ACVR1B: variants seen among roughly 807,000 people sequenced by gnomAD.
ACVR1B encodes the protein activin receptor type-1B.
A neutral mutation model predicts 55.6 loss-of-function variants in ACVR1B; 15 were observed. The ratio of observed to expected loss-of-function variants is 0.27; its 90% confidence interval spans 0.18 to 0.42. ACVR1B has a LOEUF of 0.42. Ranked by LOEUF, ACVR1B falls within the 10% of genes least tolerant of loss-of-function variation. The pLI, the probability that ACVR1B is intolerant of heterozygous loss-of-function variation, is 1.00. For missense variants in ACVR1B, 359 were observed against 670.1 expected, an observed-to-expected ratio of 0.54 and a Z score of 5.13; for synonymous variants, 247 against 254.6, an observed-to-expected ratio of 0.97 and a Z score of 0.28.
At chr12:51,980,110 A>G (rs1741461039) in intron 3 of ACVR1B, among the ~76,000 whole-genome samples, 1 of 152,084 alleles carries the variant, frequency 6.6e-6, no homozygotes, top group Non-Finnish European at 1.5e-5. Flanking sequence ...TTTGAGCCTT[A>G]GTTTTCTTGT....
At chr12:51,993,520 T>G (rs1471211094) in intron 8 of ACVR1B, among the ~76,000 whole-genome samples, 1 of 151,888 alleles carries the variant, frequency 6.6e-6, no homozygotes, top group Non-Finnish European at 1.5e-5. Context: ...ATCCCAGCAC[T>G]TTGGGAGGCC....
Position 51,951,710 on chromosome 12 carries a change from G to C in ACVR1B, c.-34G>C, listed in dbSNP as rs1941296315. ...CGCGCGCGCGCGCTGGGCGCTGCTG[G>C]GCTGCGGCGGCGGCGGCGGCGGCGG... On this transcript the variant is annotated 5_prime_UTR_variant, in exon 1 of 9. Transcript: ENST00000257963. The C allele has an allele frequency of 9.5e-7, 1 of 1,048,826 alleles. No individual in the cohort carries two copies. The highest frequency in any genetic ancestry group is 1.1e-6 in the Non-Finnish European group (1 of 870,326). The allele number at this position is 1,048,826 out of a possible 1,614,324, so 65.0% of individuals were successfully genotyped here.
In ACVR1B at chr12:51,978,825, G is replaced by T. The variant is rs368620778; in HGVS notation, c.581-2144G>T. Among the ~76,000 whole-genome samples the T allele has an allele frequency of 5.1e-5, 6 of 117,228 alleles. No individual in the cohort carries two copies. In the South Asian group the frequency reaches 1.1e-3, roughly 22 times the overall value. 76.9% of individuals were successfully genotyped at this position (117,228 alleles called of 152,430 possible). A position where few individuals can be genotyped will look rare whatever the true frequency, so the allele number is the denominator to read the frequency against. Reference sequence around the variant, plus strand: ...AGCCTGGGCAACAGAGCGAGACTCCGTCTCAAAAAAAAAAAAAAAAAAAAG... The same window carrying T: ...AGCCTGGGCAACAGAGCGAGACTCCTTCTCAAAAAAAAAAAAAAAAAAAAG... On this transcript the variant is annotated intron_variant, in intron 3 of 8. Transcript: ENST00000257963.
At position 51,988,753 on chromosome 12, in the gene ACVR1B, C is replaced by T. The variant is rs2641514; in HGVS notation, c.1261+1811C>T. Among the ~76,000 whole-genome samples the T allele has an allele frequency of 1.8e-3, 272 of 152,224 alleles. 1 individual carries two copies. The highest frequency in any genetic ancestry group is 6.3e-3 in the African/African-American group (261 of 41,550). On this transcript the variant is annotated intron_variant, in intron 7 of 8. Coordinates refer to ENST00000257963, the MANE Select transcript of ACVR1B (RefSeq NM_004302.5). The stretch of plus-strand genomic sequence containing the variant: ...ATTTTAGTAAACAAGGGTTCAGACT[C>T]GGACAGGCTGAGGCCAGGGCTTAAG...
At position 51,984,051 on chromosome 12, in the gene ACVR1B, G is replaced by T. The variant is rs1942032084; in HGVS notation, c.864G>T (p.Gly288=). 1 of 1,614,190 alleles carries T rather than the reference G, an allele frequency of 6.2e-7. No homozygotes were observed. The highest frequency in any genetic ancestry group is 1.3e-5 in the African/African-American group (1 of 75,050). Residue 288 remains glycine, a synonymous_variant, in exon 5 of 9, where the codon GGG becomes GGT. Transcript: ENST00000257963. ...LWLVSDYHEH[G]SLFDYLNRYT... ...TTGTTTCTGACTATCATGAGCACGGGTCCCTGTTTGATTATCTGAACCGGT... is the reference window on the plus strand; with the variant it reads ...TTGTTTCTGACTATCATGAGCACGGTTCCCTGTTTGATTATCTGAACCGGT...
At chr12:51,990,768 C>T (rs938402062) in intron 7 of ACVR1B, among the ~76,000 whole-genome samples, 1 of 152,216 alleles carries the variant, frequency 6.6e-6, no homozygotes, top group Non-Finnish European at 1.5e-5. Context: ...TGTTCCCCCT[C>T]ATTTTTTCTT....
At chr12:51,987,407 T>G (rs1942102029) in intron 7 of ACVR1B, 1 of 413,054 alleles carries the variant, frequency 2.4e-6, no homozygotes, top group South Asian at 5.1e-5. Context: ...AAAAGTGAGT[T>G]TTTTCTCCCA....
At chr12:51,955,039 C>G (rs184012747) in intron 1 of ACVR1B, among the ~76,000 whole-genome samples, 25 of 152,270 alleles carry the variant, frequency 1.6e-4, no homozygotes, top group African/African-American at 6.0e-4. Context: ...CATACCTGTG[C>G]TAATCAAAGA....
chr12:51,994,295 C>A lies in ACVR1B; in HGVS notation c.*185C>A. ...CCCATGTTGGGTTTGAGACAGACAC[C>A]TTTTCTATTTACCTCCTAATGGCAT... On this transcript the variant is annotated 3_prime_UTR_variant, in exon 9 of 9. Coordinates refer to ENST00000257963, the MANE Select transcript of ACVR1B (RefSeq NM_004302.5). This position sits in a 1 kb window ranked among gnomAD's most constrained non-coding sequence, Gnocchi z 4.2. 1.4e-6 allele frequency: 1 copy of A among 724,024 alleles called. No homozygotes were observed. Among genetic ancestry groups the A allele is most frequent in the Non-Finnish European group, 2.2e-6 (1 of 455,402 alleles). 44.8% of individuals were successfully genotyped at this position (724,024 alleles called of 1,614,324 possible).
chr12:51,979,988 T>G (rs1941946229), intron 3 of ACVR1B, among the ~76,000 whole-genome samples: 1 of 152,152 alleles, frequency 6.6e-6, no homozygotes, highest in Non-Finnish European at 1.5e-5. Context: ...ATTTTGGTGG[T>G]TCTATACTGT....
At chr12:51,988,630 C>A (rs981590658) in intron 7 of ACVR1B, among the ~76,000 whole-genome samples, 4 of 152,130 alleles carry the variant, frequency 2.6e-5, no homozygotes, top group African/African-American at 9.7e-5. Context: ...TTTACTACTA[C>A]AAGTAAATAA....
intron 4 of ACVR1B, 39 bp downstream of exon 4, chr12:51,981,238 G>A (rs185863515): frequency 4.7e-5 from 73 of 1,562,292 alleles, no homozygotes; most frequent in East Asian, 4.0e-4. Context: ...CCAGATAGAG[G>A]ATGCTAGAGA....
chr12:51,996,929 A>C lies in ACVR1B; in HGVS notation c.*2819A>C, dbSNP rs937058220. The C allele has an allele frequency of 1.3e-5, 2 of 152,594 alleles. No individual in the cohort carries two copies. Among genetic ancestry groups the C allele is most frequent in the African/African-American group, 4.8e-5 (2 of 41,440 alleles). The allele number at this position is 152,594 out of a possible 1,614,324, so 9.5% of individuals were successfully genotyped here. On this transcript the variant is annotated 3_prime_UTR_variant, in exon 9 of 9. Coordinates refer to ENST00000257963, the MANE Select transcript of ACVR1B (RefSeq NM_004302.5). ...ACTTCTGTTTGTTTTTGTACATTTT[A>C]TTAGAAAGGACTGTAAAATAGCCAC...
chr12:51,965,413 A>AC (rs1297105899), intron 1 of ACVR1B, among the ~76,000 whole-genome samples: 6 of 152,080 alleles, frequency 3.9e-5, no homozygotes, highest in South Asian at 2.1e-4. Flanking sequence ...ATAGTTTTGG[A>AC]CCCCCCCACC....
intron 1 of ACVR1B, among the ~76,000 whole-genome samples, chr12:51,955,463 A>G (rs1190663979): frequency 6.6e-6 from 1 of 152,194 alleles, no homozygotes; most frequent in Non-Finnish European, 1.5e-5. Flanking sequence ...CATGAGTTGA[A>G]TTGGGTTGCA....
chr12:51,996,900 C>T lies in ACVR1B; in HGVS notation c.*2790C>T, dbSNP rs972247021. On this transcript the variant is annotated 3_prime_UTR_variant, in exon 9 of 9. Coordinates refer to ENST00000257963, the MANE Select transcript of ACVR1B (RefSeq NM_004302.5). ...CATAAAGGCCCCCGAACGGCATTCTCGGTACTTCTGTTTGTTTTTGTACAT... is the reference window on the plus strand; with the variant it reads ...CATAAAGGCCCCCGAACGGCATTCTTGGTACTTCTGTTTGTTTTTGTACAT... The T allele has an allele frequency of 1.3e-5, 2 of 152,590 alleles. No homozygotes were observed. Among genetic ancestry groups the T allele is most frequent in the African/African-American group, 2.4e-5 (1 of 41,420 alleles). The allele number at this position is 152,590 out of a possible 1,614,324, so 9.5% of individuals were successfully genotyped here. A position where few individuals can be genotyped will look rare whatever the true frequency, so the allele number is the denominator to read the frequency against.
chr12:51,952,756 G>C (rs960621540), intron 1 of ACVR1B, among the ~76,000 whole-genome samples: 3 of 152,106 alleles, frequency 2.0e-5, no homozygotes, highest in Non-Finnish European at 4.4e-5. Flanking sequence ...CCACTGGACT[G>C]TATTCCCGGC....
chr12:51,977,392 G>A (rs1373087661), intron 3 of ACVR1B, among the ~76,000 whole-genome samples: 1 of 152,136 alleles, frequency 6.6e-6, no homozygotes, highest in African/African-American at 2.4e-5. Context: ...CCACCTGCCT[G>A]GTTCAAGTGA....
intron 1 of ACVR1B, among the ~76,000 whole-genome samples, chr12:51,955,573 A>G (rs1478781000): frequency 6.6e-6 from 1 of 152,270 alleles, no homozygotes; most frequent in African/African-American, 2.4e-5. Flanking sequence ...AGGTTAAATT[A>G]GAATACTGAA....
Sources: gnomAD v4.1 joint callset for allele counts (sites outside exome capture counted in the v4.1 genomes callset) on GRCh38, gnomAD v4.1.1 for gene constraint, Gnocchi (gnomAD v3.1) non-coding constraint, MANE v1.5 for transcripts, NCBI Gene and HGNC (gene_info 2026-07-23, HGNC 2026-07-21) for gene names.